Variants in ADAM32 observed in about 807,000 individuals in gnomAD.
ADAM32 encodes ADAM metallopeptidase domain 32.
A neutral mutation model predicts 114.9 loss-of-function variants in ADAM32; 89 were observed. The ratio of observed to expected loss-of-function variants is 0.77; its 90% CI spans 0.65 to 0.92. The LOEUF is 0.92. Among genes scored for constraint, ADAM32 ranks in the 40% least tolerant of loss-of-function variants. The pLI, the probability that ADAM32 is intolerant of heterozygous loss-of-function variation, is 0.00. For missense variants in ADAM32, 870 were observed against 932.8 expected (o/e 0.93, Z 0.88); for synonymous variants, 285 against 307.5 (o/e 0.93, Z 0.77).
At chr8:39,136,791 G>A (rs916308477) in intron 3 of ADAM32, 73 bp downstream of exon 3, 2 of 1,015,120 alleles carry the variant, frequency 2.0e-6, no homozygotes, top group African/African-American at 3.4e-5. Flanking sequence ...AGAAAATGGA[G>A]TATGAGAAAA....
intron 23 of ADAM32, 36 bp downstream of exon 23, chr8:39,281,210 A>G (rs555606496): frequency 8.0e-7 from 1 of 1,243,592 alleles, no homozygotes; most frequent in Non-Finnish European, 1.1e-6. Flanking sequence ...ATAAATAAGT[A>G]TGTTGAAAAT....
chr8:39,245,610 G>C (rs1810865857), intron 16 of ADAM32, among the ~76,000 whole-genome samples: 1 of 152,126 alleles, frequency 6.6e-6, no homozygotes, highest in Non-Finnish European at 1.5e-5. Context: ...ATAGGGAGAA[G>C]GCAAGTCTAG....
In ADAM32 at chr8:39,107,803, G is replaced by A. The variant is rs1186152120; in HGVS notation, c.28G>A (p.Gly10Arg). 32 of 1,549,448 alleles carry A rather than the reference G, an allele frequency of 2.1e-5. No individual in the cohort carries two copies. Among genetic ancestry groups the A allele is most frequent in the Non-Finnish European group, 2.3e-5 (26 of 1,146,370 alleles). ...GTTCCGCCTCTGGTTGCTGCTGGCC[G>A]GGCTCTGCGGCCTCCTGGCGTCAAG... MFRLWLLLA[G>R]LCGLLASRPG... The change falls in exon 1 of 25, where the codon GGG (glycine) becomes AGG (arginine). Residue 10 changes from glycine (G) to arginine (R), a missense_variant. By Grantham distance (125) the Gly-to-Arg change is moderately radical (BLOSUM62 -2). Coordinates refer to ENST00000379907, the MANE Select transcript of ADAM32 (RefSeq NM_145004.7).
At chr8:39,211,925 A>G (rs1808248969) in intron 12 of ADAM32, among the ~76,000 whole-genome samples, 1 of 152,196 alleles carries the variant, frequency 6.6e-6, no homozygotes, top group Non-Finnish European at 1.5e-5. Context: ...GAATTACTTG[A>G]ACCATATCAC....
chr8:39,141,178 T>G lies in ADAM32; in HGVS notation c.200+4460T>G, dbSNP rs1803131175. 1.3e-5 allele frequency among the ~76,000 whole-genome samples: 2 copies of G among 152,192 alleles called. 1 individual carries two copies. Among genetic ancestry groups the G allele is most frequent in the Non-Finnish European group, 2.9e-5 (2 of 68,030 alleles). On this transcript the variant is annotated intron_variant, in intron 3 of 24. Transcript: ENST00000379907. ...ATTAATTTTTTGAAGGGATTTTGTG[T>G]CTCCATATCCATCAGTTCTGCTCTG...
Position 39,181,885 on chromosome 8 carries a change from C to A in ADAM32, c.916-5024C>A, listed in dbSNP as rs1172555012. On this transcript the variant is annotated intron_variant, in intron 10 of 24. Coordinates refer to ENST00000379907, the MANE Select transcript of ADAM32 (RefSeq NM_145004.7). ...AGGGGTGGCAGTTATTGATAAAGATCTGTTGACAAGGGCTAGAGTGTGAAA... is the reference window on the plus strand; with the variant it reads ...AGGGGTGGCAGTTATTGATAAAGATATGTTGACAAGGGCTAGAGTGTGAAA... Among the ~76,000 whole-genome samples the A allele has an allele frequency of 1.3e-5, 2 of 152,116 alleles. 1 individual carries two copies. The highest frequency in any genetic ancestry group is 1.3e-4 in the Admixed American group (2 of 15,272).
chr8:39,157,313 A>T (rs369018500), intron 6 of ADAM32, among the ~76,000 whole-genome samples: 1 of 152,108 alleles, frequency 6.6e-6, no homozygotes, highest in Non-Finnish European at 1.5e-5. Flanking sequence ...AGCTTCTTGG[A>T]TGTGTAGATT....
chr8:39,255,981 G>C (rs1392001959), intron 18 of ADAM32, among the ~76,000 whole-genome samples: 2 of 151,910 alleles, frequency 1.3e-5, no homozygotes, highest in Non-Finnish European at 2.9e-5. Context: ...GTTGAATAGG[G>C]TGTCCTTTCC....
Position 39,174,730 on chromosome 8 carries a change from T to C in ADAM32, c.915+4733T>C, listed in dbSNP as rs911880542. Among the ~76,000 whole-genome samples, 14 of 145,090 alleles carry C rather than the reference T, an allele frequency of 9.6e-5. No homozygotes were observed. In the Admixed American group the frequency reaches 1.0e-3, roughly 11 times the overall value. ...CTAATTCTGTGAAGAATGTCAATGG[T>C]AGTTTAATGGAAATAGCATTGAATC... On this transcript the variant is annotated intron_variant, in intron 10 of 24. Transcript: ENST00000379907.
At chr8:39,197,018 A>G (rs1180284033) in intron 11 of ADAM32, among the ~76,000 whole-genome samples, 2 of 152,044 alleles carry the variant, frequency 1.3e-5, no homozygotes, top group African/African-American at 4.8e-5. Flanking sequence ...CAGTCTCATT[A>G]CTTGTTATTA....
intron 14 of ADAM32, among the ~76,000 whole-genome samples, chr8:39,229,286 A>T (rs1250903754): frequency 6.6e-6 from 1 of 152,196 alleles, no homozygotes; most frequent in Non-Finnish European, 1.5e-5. Flanking sequence ...AAAAGCAAAA[A>T]CAAAAAACCC....
At chr8:39,274,447 A>G (rs1322895299) in intron 21 of ADAM32, 97 bp downstream of exon 21, 2 of 1,402,400 alleles carry the variant, frequency 1.4e-6, no homozygotes, top group South Asian at 1.2e-5. Context: ...AACAATGTCA[A>G]TTGGTAAAGC....
At chr8:39,170,525 G>T (rs1012063563) in intron 10 of ADAM32, among the ~76,000 whole-genome samples, 2 of 151,718 alleles carry the variant, frequency 1.3e-5, no homozygotes, top group Non-Finnish European at 2.9e-5. Flanking sequence ...ATCTCTTTGT[G>T]CCATTTTCTC....
chr8:39,275,195 T>G (rs1433480166), intron 21 of ADAM32, among the ~76,000 whole-genome samples: 3 of 152,208 alleles, frequency 2.0e-5, no homozygotes, highest in African/African-American at 7.2e-5. Context: ...GAGGTCAGCT[T>G]CATCTTTCTA....
intron 12 of ADAM32, among the ~76,000 whole-genome samples, chr8:39,220,668 G>A (rs1808897989): frequency 6.6e-6 from 1 of 151,422 alleles, no homozygotes; most frequent in Admixed American, 6.6e-5. Context: ...TTTCTTCATT[G>A]ACTATTGATC....
At chr8:39,208,556 C>T (rs1461709678) in intron 11 of ADAM32, among the ~76,000 whole-genome samples, 1 of 152,106 alleles carries the variant, frequency 6.6e-6, no homozygotes, top group Non-Finnish European at 1.5e-5. Context: ...GACTGAAAAA[C>T]TTCTTTTAGC....
intron 12 of ADAM32, among the ~76,000 whole-genome samples, chr8:39,215,803 A>C (rs1276225970): frequency 6.6e-6 from 1 of 152,012 alleles, no homozygotes; most frequent in Non-Finnish European, 1.5e-5. Context: ...TTTGTGACCT[A>C]ACATATGGTC....
At chr8:39,270,810 A>G in intron 19 of ADAM32, 66 bp from the exon 20 acceptor site, 1 of 1,282,624 alleles carries the variant, frequency 7.8e-7, no homozygotes, top group East Asian at 2.4e-5. Context: ...AAATGGACTG[A>G]TTTTAATTCA....
intron 14 of ADAM32, among the ~76,000 whole-genome samples, chr8:39,227,958 G>T (rs923422863): frequency 6.6e-6 from 1 of 152,294 alleles, no homozygotes; most frequent in East Asian, 1.9e-4. Context: ...CAGAACAGTC[G>T]CTGGTATCCA....
Sources: gnomAD v4.1 joint callset for allele counts (sites outside exome capture counted in the v4.1 genomes callset) on GRCh38, gnomAD v4.1.1 for gene constraint, MANE v1.5 for transcripts, NCBI Gene and HGNC (gene_info 2026-07-23, HGNC 2026-07-21) for gene names.